The following ZFAND3 variants were observed in gnomAD, a reference collection of about 807,000 sequenced individuals.
The protein encoded by ZFAND3 is zinc finger AN1-type containing 3, also known as AN1-type zinc finger protein 3.
ZFAND3 carries 10 observed loss-of-function variants against 29.6 expected under a neutral mutation model. The ratio of observed to expected loss-of-function variants is 0.34; its 90% CI spans 0.21 to 0.57. The LOEUF (loss-of-function observed/expected upper bound fraction) is 0.57. Among genes scored for constraint, ZFAND3 ranks in the 20% least tolerant of loss-of-function variants. The pLI is 0.86. For synonymous variants in ZFAND3, 128 were observed against 112.6 expected, an observed-to-expected ratio of 1.14 and a Z score of -0.87; for missense variants, 230 against 304.5, an observed-to-expected ratio of 0.76 and a Z score of 1.82.
chr6:37,914,785 G>C (rs1043594699), intron 1 of ZFAND3, among the ~76,000 whole-genome samples: 29 of 150,262 alleles, frequency 1.9e-4, no homozygotes, highest in African/African-American at 6.6e-4. Context: ...ACAGGTGTGA[G>C]CTACCGTGCC....
intron 2 of ZFAND3, among the ~76,000 whole-genome samples, chr6:37,966,461 A>G (rs1021887297): frequency 6.6e-6 from 1 of 152,206 alleles, no homozygotes; most frequent in Admixed American, 6.5e-5. Context: ...TTCACTGAGC[A>G]GACAACGCTT....
At chr6:37,903,527 A>G (rs1765356226) in intron 1 of ZFAND3, among the ~76,000 whole-genome samples, 1 of 152,174 alleles carries the variant, frequency 6.6e-6, no homozygotes, top group Admixed American at 6.5e-5. Context: ...CCAAGCTTTT[A>G]CTTACAGCGC....
intron 2 of ZFAND3, among the ~76,000 whole-genome samples, chr6:37,948,405 A>G (rs1261115317): frequency 6.6e-6 from 1 of 152,204 alleles, no homozygotes; most frequent in African/African-American, 2.4e-5. Flanking sequence ...TAATTTAGCC[A>G]TGCTAGTTTT....
intron 1 of ZFAND3, among the ~76,000 whole-genome samples, chr6:37,828,169 C>T (rs1475588997): frequency 4.6e-5 from 7 of 152,188 alleles, no homozygotes; most frequent in Non-Finnish European, 7.3e-5. Context: ...ACATTCTGAC[C>T]GTTCAAGAAT....
chr6:38,066,491 T>C (rs556805828), intron 3 of ZFAND3, among the ~76,000 whole-genome samples: 48 of 152,254 alleles, frequency 3.2e-4, no homozygotes, highest in Non-Finnish European at 6.3e-4. Context: ...GTAGCAGTTG[T>C]TGGAAAATGA....
intron 2 of ZFAND3, among the ~76,000 whole-genome samples, chr6:37,994,109 A>AGTGTGTGT (rs1418349989): frequency 2.4e-5 from 3 of 124,762 alleles, no homozygotes; most frequent in Non-Finnish European, 1.8e-5. Flanking sequence ...AAGTTCATGG[A>AGTGTGTGT]GTGTGTGTCT....
intron 1 of ZFAND3, among the ~76,000 whole-genome samples, chr6:37,838,952 A>G (rs1490754485): frequency 2.0e-5 from 3 of 152,158 alleles, no homozygotes; most frequent in Non-Finnish European, 4.4e-5. Flanking sequence ...TGAAGACTCC[A>G]GTTTCTTCAC....
chr6:38,067,774 A>C (rs551753342), intron 3 of ZFAND3, among the ~76,000 whole-genome samples: 1 of 152,318 alleles, frequency 6.6e-6, no homozygotes, highest in South Asian at 2.1e-4. Flanking sequence ...AAGATGAGGA[A>C]GTGCCCTCTT....
rs192951593 is a variant in ZFAND3, at chr6:37,850,960, G to A, written c.71+30944G>A. Among the ~76,000 whole-genome samples, 3 of 151,028 alleles carry A rather than the reference G, an allele frequency of 2.0e-5. No individual in the cohort carries two copies. The East Asian group carries it at 5.9e-4, about 30-fold the overall frequency. On this transcript the variant is annotated intron_variant, in intron 1 of 5. Transcript: ENST00000287218. ...ATTAGTCACCAAATTGATTTTCTTGGTTTTATCTGTCTTGTCTCTCCCTCC... is the reference window on the plus strand; with the variant it reads ...ATTAGTCACCAAATTGATTTTCTTGATTTTATCTGTCTTGTCTCTCCCTCC...
At chr6:38,136,799 C>T (rs1023168291) in intron 5 of ZFAND3, among the ~76,000 whole-genome samples, 1 of 152,178 alleles carries the variant, frequency 6.6e-6, no homozygotes, top group African/African-American at 2.4e-5. Flanking sequence ...TGTGAGTCAG[C>T]GCACCGTGTA....
At chr6:38,010,754 C>CA (rs1763135621) in intron 2 of ZFAND3, among the ~76,000 whole-genome samples, 1 of 151,860 alleles carries the variant, frequency 6.6e-6, no homozygotes, top group Non-Finnish European at 1.5e-5. Context: ...CGCCTGCCAC[C>CA]ATGCCTGGCT....
chr6:38,032,553 T>G (rs951908452), intron 2 of ZFAND3, among the ~76,000 whole-genome samples: 1 of 152,210 alleles, frequency 6.6e-6, no homozygotes, highest in Non-Finnish European at 1.5e-5. Context: ...AGCACCTACT[T>G]TACTTAAAAT....
chr6:37,881,467 A>G (rs190242398), intron 1 of ZFAND3, among the ~76,000 whole-genome samples: 11 of 152,182 alleles, frequency 7.2e-5, no homozygotes, highest in Admixed American at 4.6e-4. Flanking sequence ...TCTGGATTTG[A>G]TGGTCTGTTC....
intron 2 of ZFAND3, among the ~76,000 whole-genome samples, chr6:37,935,099 A>G (rs534542104): frequency 3.9e-4 from 59 of 152,300 alleles, no homozygotes; most frequent in Non-Finnish European, 7.5e-4. Context: ...TTTAGTTGAT[A>G]TATAATTCTT....
chr6:38,114,829 C>T (rs185270780), intron 4 of ZFAND3, among the ~76,000 whole-genome samples: 1 of 152,296 alleles, frequency 6.6e-6, no homozygotes, highest in East Asian at 1.9e-4. Flanking sequence ...CAAATTCATT[C>T]ATTCAAAAAA....
intron 1 of ZFAND3, among the ~76,000 whole-genome samples, chr6:37,835,622 T>A (rs536247851): frequency 2.0e-5 from 3 of 152,302 alleles, no homozygotes; most frequent in Non-Finnish European, 4.4e-5. Context: ...TAAATGGGTA[T>A]ATTATGAAAA....
chr6:37,979,470 T>C (rs1005500009), intron 2 of ZFAND3, among the ~76,000 whole-genome samples: 10 of 152,216 alleles, frequency 6.6e-5, no homozygotes, highest in Admixed American at 6.5e-4. Context: ...TTTTGTCTTT[T>C]GGAATTGTGC....
chr6:37,849,504 G>T (rs1292335171), intron 1 of ZFAND3, among the ~76,000 whole-genome samples: 4 of 152,142 alleles, frequency 2.6e-5, no homozygotes, highest in African/African-American at 9.7e-5. Flanking sequence ...TGCCTCCTGG[G>T]TTCAAGTGAT....
intron 4 of ZFAND3, among the ~76,000 whole-genome samples, chr6:38,107,240 C>A (rs1765227637): frequency 6.6e-6 from 1 of 152,134 alleles, no homozygotes; most frequent in African/African-American, 2.4e-5. Context: ...TGATTGAAAG[C>A]ACTAGTAGCA....
Sources: gnomAD v4.1 joint callset for allele counts (sites outside exome capture counted in the v4.1 genomes callset) on GRCh38, gnomAD v4.1.1 for gene constraint, MANE v1.5 for transcripts, NCBI Gene and HGNC (gene_info 2026-07-23, HGNC 2026-07-21) for gene names.